DEFB112: variants seen among roughly 807,000 people sequenced by gnomAD.
The protein encoded by DEFB112 is defensin beta 112.
Under a neutral mutation model 1.1 loss-of-function variants are expected in DEFB112, and 2 were observed. That is an observed-to-expected ratio of 1.85 (90% CI 0.76 to 5.83). The LOEUF is 5.83. Among genes scored for constraint, DEFB112 ranks in the 30% most tolerant of loss-of-function variants. The pLI, the probability that DEFB112 is intolerant of heterozygous loss-of-function variation, is 0.05. For missense variants in DEFB112, 120 were observed against 94.4 expected, an observed-to-expected ratio of 1.27 and a Z score of -1.12; for synonymous variants, 40 against 31.2, an observed-to-expected ratio of 1.28 and a Z score of -0.93.
intron 1 of DEFB112, among the ~76,000 whole-genome samples, chr6:50,048,316 C>G (rs73739914): frequency 0.01 from 1,561 of 152,144 alleles, 49 homozygotes; most frequent in African/African-American, 0.036. Context: ...ATTTGTCTAG[C>G]CAGCATTTTA....
chr6:50,046,221 C>CTGTGTGTGTG lies in DEFB112; in HGVS notation c.59-2430_59-2421dup, dbSNP rs3057286. ...TAATTCCATCATGAATTGAGGAGCA[C>CTGTGTGTGTG]TGTGTGTGTGTGTGTGTGTGTGTGT... On this transcript the variant is annotated intron_variant, in intron 1 of 1. Transcript: ENST00000651554. Among the ~76,000 whole-genome samples, 1,088 of 141,256 alleles carry CTGTGTGTGTG rather than the reference C, an allele frequency of 7.7e-3. 11 individuals carry two copies. The highest frequency in any genetic ancestry group is 0.02 in the African/African-American group (764 of 38,238). 92.7% of individuals were successfully genotyped at this position (141,256 alleles called of 152,430 possible).
rs558687255 is a variant in DEFB112, at chr6:50,042,612, T to C, written c.*963A>G. 6.6e-6 allele frequency among the ~76,000 whole-genome samples: 1 copy of C among 152,108 alleles called. No individual in the cohort carries two copies. Among genetic ancestry groups the C allele is most frequent in the South Asian group, 2.1e-4 (1 of 4,830 alleles). ...GCACATACCAAGCCCTGCAAAACCA[T>C]CACCTATTTTTAGAGTTGATATTTC... On this transcript the variant is annotated 3_prime_UTR_variant, in exon 2 of 2. Coordinates refer to ENST00000651554, the MANE Select transcript of DEFB112 (RefSeq NM_001369057.2).
At position 50,043,039 on chromosome 6, in the gene DEFB112, T is replaced by C. The variant is rs181713879; in HGVS notation, c.*536A>G. Reference sequence around the variant, plus strand: ...CAACCTAGTCTCCCTCTATTCTACCTTTTGAGATTATTCTTGGAAAAAAAA... The same window carrying C: ...CAACCTAGTCTCCCTCTATTCTACCCTTTGAGATTATTCTTGGAAAAAAAA... On this transcript the variant is annotated 3_prime_UTR_variant, in exon 2 of 2. Coordinates refer to ENST00000651554, the MANE Select transcript of DEFB112 (RefSeq NM_001369057.2). Among the ~76,000 whole-genome samples, 220 of 152,162 alleles carry C rather than the reference T, an allele frequency of 1.4e-3. 3 individuals carry two copies. Among genetic ancestry groups the C allele is most frequent in the African/African-American group, 4.7e-3 (194 of 41,544 alleles).
intron 1 of DEFB112, among the ~76,000 whole-genome samples, chr6:50,044,284 C>A (rs1438245816): frequency 6.6e-6 from 1 of 151,948 alleles, no homozygotes; most frequent in African/African-American, 2.4e-5. Context: ...TGGATTTGCA[C>A]CCTAGAGCCA....
Position 50,042,886 on chromosome 6 carries a change from C to G in DEFB112, c.*689G>C, listed in dbSNP as rs893520725. Among the ~76,000 whole-genome samples the G allele has an allele frequency of 6.6e-6, 1 of 151,870 alleles. No individual in the cohort carries two copies. Among genetic ancestry groups the G allele is most frequent in the Non-Finnish European group, 1.5e-5 (1 of 67,896 alleles). ...CACCAATAAGTAGCATGATAAGAAT[C>G]ATCTGATAATATGTGGAAACATTAA... On this transcript the variant is annotated 3_prime_UTR_variant, in exon 2 of 2. Coordinates refer to ENST00000651554, the MANE Select transcript of DEFB112 (RefSeq NM_001369057.2).
At chr6:50,043,924 A>AT (rs1437872333) in intron 1 of DEFB112, 123 bp from the exon 2 acceptor site, 4 of 838,956 alleles carry the variant, frequency 4.8e-6, no homozygotes, top group Non-Finnish European at 7.4e-6. Context: ...ATTTGCTTTA[A>AT]TTTTTTTGTC....
Position 50,043,490 on chromosome 6 carries a change from C to T in DEFB112, c.*85G>A. On this transcript the variant is annotated 3_prime_UTR_variant, in exon 2 of 2. Transcript: ENST00000651554. Reference sequence around the variant, plus strand: ...TATTTATTCATTATAGGTATGCATGCATGGAAATTATAGGTCATTAATGAA... The same window carrying T: ...TATTTATTCATTATAGGTATGCATGTATGGAAATTATAGGTCATTAATGAA... The T allele has an allele frequency of 2.1e-6, 2 of 943,036 alleles. No homozygotes were observed. Among genetic ancestry groups the T allele is most frequent in the South Asian group, 2.9e-5 (2 of 68,298 alleles). 58.4% of individuals were successfully genotyped at this position (943,036 alleles called of 1,614,324 possible).
At chr6:50,045,530 GATATACACACAAATATAT>G (rs1169765937) in intron 1 of DEFB112, among the ~76,000 whole-genome samples, 1 of 151,970 alleles carries the variant, frequency 6.6e-6, no homozygotes, top group East Asian at 1.9e-4. Flanking sequence ...TATAAATCTA[GATATACACACAAATATAT>G]ATATACACAC....
chr6:50,047,375 A>T (rs1774852226), intron 1 of DEFB112, among the ~76,000 whole-genome samples: 1 of 152,118 alleles, frequency 6.6e-6, no homozygotes, highest in African/African-American at 2.4e-5. Context: ...TTCTATGGTC[A>T]TTTCCCTCTC....
At chr6:50,046,989 A>G (rs1561999965) in intron 1 of DEFB112, among the ~76,000 whole-genome samples, 2 of 152,124 alleles carry the variant, frequency 1.3e-5, no homozygotes, top group Admixed American at 6.5e-5. Flanking sequence ...CCTGATGACT[A>G]TGGCTGTGGA....
rs1582379955 is a variant in DEFB112 at position 50,042,304 on chromosome 6, T to C, written c.*1271A>G. Among the ~76,000 whole-genome samples the C allele has an allele frequency of 6.6e-6, 1 of 152,108 alleles. No homozygotes were observed. The highest frequency in any genetic ancestry group is 1.9e-4 in the East Asian group (1 of 5,180). On this transcript the variant is annotated 3_prime_UTR_variant, in exon 2 of 2. Transcript: ENST00000651554. ...TTATACATATCAGGAATATCATATA[T>C]AATTTGGACACCCAGATGCTTTTCC...
chr6:50,048,046 C>T (rs1774864050), intron 1 of DEFB112, among the ~76,000 whole-genome samples: 1 of 151,718 alleles, frequency 6.6e-6, no homozygotes, highest in African/African-American at 2.4e-5. Context: ...ACTCCGGAGG[C>T]TGAAGCAGGA....
chr6:50,046,103 G>A (rs945650306), intron 1 of DEFB112, among the ~76,000 whole-genome samples: 4 of 152,030 alleles, frequency 2.6e-5, no homozygotes, highest in African/African-American at 7.2e-5. Flanking sequence ...GTTTAAGCCA[G>A]GGTAAGCTAA....
At chr6:50,049,457 C>G (rs920757800) in intron 1 of DEFB112, among the ~76,000 whole-genome samples, 1 of 152,030 alleles carries the variant, frequency 6.6e-6, no homozygotes, top group Non-Finnish European at 1.5e-5. Flanking sequence ...TCATAACTTT[C>G]CCAGTTTTTT....
chr6:50,045,574 T>C (rs1485824616), intron 1 of DEFB112, among the ~76,000 whole-genome samples: 1 of 152,186 alleles, frequency 6.6e-6, no homozygotes, highest in Admixed American at 6.5e-5. Context: ...AATAAATGTG[T>C]ACATATGTGT....
chr6:50,044,644 A>G (rs1008133590), intron 1 of DEFB112, among the ~76,000 whole-genome samples: 2 of 152,084 alleles, frequency 1.3e-5, no homozygotes, highest in African/African-American at 2.4e-5. Flanking sequence ...TACATAGCAC[A>G]TATCACTGGA....
rs185807678 is a variant in DEFB112, at chr6:50,043,801, G to A, written c.59C>T (p.Ala20Val). The A allele has an allele frequency of 1.9e-6, 3 of 1,612,754 alleles. No homozygotes were observed. The African/African-American group carries it at 4.0e-5, about 22-fold the overall frequency. ...GGTGATATGGTGCCCTTCACTTCTG[G>A]CTGAAAGAAGGCAAGAACAGCTGGA... is the stretch of plus-strand genomic sequence containing the variant. ...LLFFGVLIPPARSEGHHITFS... is the reference protein window; with the variant it reads ...LLFFGVLIPPVRSEGHHITFS... Residue 20 changes from alanine to valine, a missense_variant and splice_region_variant, in exon 2 of 2, where the codon GCC becomes GTC. Ala to Val is a moderately conservative substitution (Grantham distance 64). Coordinates refer to ENST00000651554, the MANE Select transcript of DEFB112 (RefSeq NM_001369057.2).
At chr6:50,045,900 C>T (rs1052765983) in intron 1 of DEFB112, among the ~76,000 whole-genome samples, 2 of 152,144 alleles carry the variant, frequency 1.3e-5, no homozygotes, top group African/African-American at 2.4e-5. Flanking sequence ...CTCAATTTTT[C>T]ATCCTCAGAA....
chr6:50,048,521 A>G, intron 1 of DEFB112: 2 of 1,584,298 alleles, frequency 1.3e-6, no homozygotes, highest in Non-Finnish European at 1.7e-6. Flanking sequence ...ACACAATTCT[A>G]CTTATTTTGT....
Sources: gnomAD v4.1 joint callset for allele counts (sites outside exome capture counted in the v4.1 genomes callset) on GRCh38, gnomAD v4.1.1 for gene constraint, MANE v1.5 for transcripts, NCBI Gene and HGNC (gene_info 2026-07-23, HGNC 2026-07-21) for gene names.